The following LRRC61 variants were observed in gnomAD, a reference collection of about 807,000 sequenced individuals.
LRRC61 encodes the protein leucine rich repeat containing 61, also known as leucine-rich repeat-containing protein 61.
In LRRC61, 9 loss-of-function variants were observed where a neutral mutation model predicts 15.1. The observed-to-expected ratio is 0.60, with a 90% CI of 0.36 to 1.04. The LOEUF (loss-of-function observed/expected upper bound fraction) is 1.04. Ranked by LOEUF, LRRC61 falls within the 50% of genes least tolerant of loss-of-function variation. The probability of loss-of-function intolerance (pLI) is 0.01; values close to 1 mark genes in which losing one functional copy is unlikely to be tolerated. For missense variants in LRRC61, 344 were observed against 335.6 expected (o/e 1.03, Z -0.20); for synonymous variants, 173 against 158.6 (o/e 1.09, Z -0.68).
the LRRC61 span, among the ~76,000 whole-genome samples, chr7:150,310,592 G>A: frequency 7.3e-5 from 11 of 150,518 alleles, no homozygotes; most frequent in African/African-American, 2.0e-4. Flanking sequence ...TTCTGTTATC[G>A]ACCTCAAAGA....
chr7:150,320,658 A>C (rs1797411503), upstream of LRRC61, among the ~76,000 whole-genome samples: 1 of 152,146 alleles, frequency 6.6e-6, no homozygotes, highest in Non-Finnish European at 1.5e-5. Flanking sequence ...AGCTACTTCG[A>C]AGGCTGAAGC....
At chr7:150,328,421 G>T (rs1161442682) in intron 2 of LRRC61, among the ~76,000 whole-genome samples, 1 of 152,204 alleles carries the variant, frequency 6.6e-6, no homozygotes, top group African/African-American at 2.4e-5. Flanking sequence ...GACCAACACA[G>T]TATAGTTACA....
Position 150,335,947 on chromosome 7 carries a change from AG to A in LRRC61, c.-144-770del, listed in dbSNP as rs1471436335. Among the ~76,000 whole-genome samples, 2 of 152,162 alleles carry A rather than the reference AG, an allele frequency of 1.3e-5. No individual in the cohort carries two copies. The highest frequency in any genetic ancestry group is 2.4e-5 in the African/African-American group (1 of 41,424). On this transcript the variant is annotated intron_variant, in intron 2 of 2. Transcript: ENST00000359623. The surrounding 1 kb of genome is among the most constrained non-coding windows in gnomAD (Gnocchi z 4.3). ...TTTGGGAAATTTATGTTGTCTTTGC[AG>A]CTGGCACCGTGCTGTCTGGCACGTA...
At chr7:150,316,644 C>T in the LRRC61 span, among the ~76,000 whole-genome samples, 3,059 of 152,152 alleles carry the variant, frequency 0.02, 83 homozygotes, top group African/African-American at 0.07. Context: ...TGCCATCACG[C>T]TCAGCTAATT....
chr7:150,324,062 G>A (rs1797836660), intron 1 of LRRC61, among the ~76,000 whole-genome samples: 1 of 152,130 alleles, frequency 6.6e-6, no homozygotes, highest in Non-Finnish European at 1.5e-5. Context: ...TTTGCGTGTG[G>A]GACAAAACCC....
intron 1 of LRRC61, among the ~76,000 whole-genome samples, chr7:150,325,324 G>A (rs1797926670): frequency 6.6e-6 from 1 of 152,216 alleles, no homozygotes; most frequent in Non-Finnish European, 1.5e-5. Flanking sequence ...TGGCTAGGGC[G>A]CTTTCCTGAC....
rs756656481 is a variant in LRRC61 at position 150,330,367 on chromosome 7, C to T, written c.-145+4357C>T. Reference sequence around the variant, plus strand: ...GCCTTGTCGGCCACATTCTGGAGCCCGGCAGACAGCCTCAGCAAGCTCCTG... The same window carrying T: ...GCCTTGTCGGCCACATTCTGGAGCCTGGCAGACAGCCTCAGCAAGCTCCTG... On this transcript the variant is annotated intron_variant, in intron 2 of 2. Coordinates refer to ENST00000359623, the MANE Select transcript of LRRC61 (RefSeq NM_001142928.2). The surrounding 1 kb of genome is among the most constrained non-coding windows in gnomAD (Gnocchi z 4.6). The T allele has an allele frequency of 2.6e-5, 20 of 760,262 alleles. No homozygotes were observed. The highest frequency in any genetic ancestry group is 2.1e-4 in the Admixed American group (12 of 58,516). The allele number at this position is 760,262 out of a possible 1,614,324, so 47.1% of individuals were successfully genotyped here.
chr7:150,327,071 G>A (rs1021986922), intron 2 of LRRC61, among the ~76,000 whole-genome samples: 2 of 151,978 alleles, frequency 1.3e-5, no homozygotes, highest in Non-Finnish European at 2.9e-5. Flanking sequence ...AGGCAGCCCT[G>A]CCATCTCTGG....
rs768656533 is a variant in LRRC61, at chr7:150,336,891, G to A, written c.30G>A (p.Glu10=). The A allele has an allele frequency of 2.5e-6, 4 of 1,600,148 alleles. No individual in the cohort carries two copies. In the East Asian group the frequency reaches 8.9e-5, roughly 36 times the overall value. The change falls in exon 3 of 3, where the codon GAG becomes GAA. Residue 10 remains glutamate, a synonymous_variant. Coordinates refer to ENST00000359623, the MANE Select transcript of LRRC61 (RefSeq NM_001142928.2). ...ACCCTCCAGCGGAGAAGCCGGGAGA[G>A]GCTGGCGGACTGCAGATCACACCCC... The part of the protein sequence containing the change: MDPPAEKPG[E]AGGLQITPQL...
the LRRC61 span, among the ~76,000 whole-genome samples, chr7:150,314,228 T>C: frequency 6.6e-6 from 1 of 152,354 alleles, no homozygotes; most frequent in East Asian, 1.9e-4. Flanking sequence ...AGTGACTTTA[T>C]GTGACCAGTT....
intron 1 of LRRC61, chr7:150,323,863 G>A: frequency 2.7e-6 from 1 of 365,794 alleles, no homozygotes; most frequent in Non-Finnish European, 5.4e-6. Flanking sequence ...TCACGGCCGT[G>A]CTCAGAGACG....
chr7:150,329,725 T>C (rs1798045938), intron 2 of LRRC61: 2 of 152,262 alleles, frequency 1.3e-5, no homozygotes, highest in Non-Finnish European at 2.9e-5. Flanking sequence ...GGAAAACAAC[T>C]TCCCTGTCCA....
chr7:150,337,883 C>T lies in LRRC61; in HGVS notation c.*242C>T. On this transcript the variant is annotated 3_prime_UTR_variant, in exon 3 of 3. Coordinates refer to ENST00000359623, the MANE Select transcript of LRRC61 (RefSeq NM_001142928.2). ...ATCCGTGAGCCTGTGTCCGCAGCTG[C>T]TGCCACTCTGGGCTGCTCCAGCCTG... 1 of 565,766 alleles carries T rather than the reference C, an allele frequency of 1.8e-6. No individual in the cohort carries two copies. The highest frequency in any genetic ancestry group is 3.1e-6 in the Non-Finnish European group (1 of 318,026). 35.0% of individuals were successfully genotyped at this position (565,766 alleles called of 1,614,324 possible).
chr7:150,310,936 A>T, the LRRC61 span, among the ~76,000 whole-genome samples: 1 of 152,142 alleles, frequency 6.6e-6, no homozygotes. Flanking sequence ...AGTGTTACAT[A>T]TCTCGGCATA....
Position 150,335,821 on chromosome 7 carries a change from G to A in LRRC61, c.-144-897G>A, listed in dbSNP as rs773219661. Among the ~76,000 whole-genome samples, 3 of 152,186 alleles carry A rather than the reference G, an allele frequency of 2.0e-5. No individual in the cohort carries two copies. Among genetic ancestry groups the A allele is most frequent in the Non-Finnish European group, 2.9e-5 (2 of 68,030 alleles). On this transcript the variant is annotated intron_variant, in intron 2 of 2. Transcript: ENST00000359623. The surrounding 1 kb of genome is among the most constrained non-coding windows in gnomAD (Gnocchi z 4.3). Reference sequence around the variant, plus strand: ...CCCCTGCTTTGTGCCACAGTCATGCGCTGGCACCTGGACTCACCTGGTCCT... The same window carrying A: ...CCCCTGCTTTGTGCCACAGTCATGCACTGGCACCTGGACTCACCTGGTCCT...
Position 150,330,813 on chromosome 7 carries a change from G to A in LRRC61, c.-145+4803G>A. 1.9e-6 allele frequency: 3 copies of A among 1,611,098 alleles called. No homozygotes were observed. The highest frequency in any genetic ancestry group is 2.5e-6 in the Non-Finnish European group (3 of 1,178,264). On this transcript the variant is annotated intron_variant, in intron 2 of 2. Coordinates refer to ENST00000359623, the MANE Select transcript of LRRC61 (RefSeq NM_001142928.2). This position sits in a 1 kb window ranked among gnomAD's most constrained non-coding sequence, Gnocchi z 4.6. ...TCTGTGCGTGGACCCCACCAGGGTA[G>A]CCAAGAGCTCCGGGGTGGAGGGGAG...
chr7:150,327,026 G>C (rs1309242571), intron 2 of LRRC61, among the ~76,000 whole-genome samples: 2 of 152,152 alleles, frequency 1.3e-5, no homozygotes, highest in Non-Finnish European at 2.9e-5. Context: ...CCAGAGTCTT[G>C]CTTGAGCCTT....
chr7:150,334,561 C>T (rs1251202460), intron 2 of LRRC61, among the ~76,000 whole-genome samples: 1 of 152,218 alleles, frequency 6.6e-6, no homozygotes, highest in African/African-American at 2.4e-5. Flanking sequence ...GCATGCCCTC[C>T]TTGATGCCAG....
Position 150,337,727 on chromosome 7 carries a change from T to A in LRRC61, c.*86T>A. 2 of 1,355,664 alleles carry A rather than the reference T, an allele frequency of 1.5e-6. No individual in the cohort carries two copies. Among genetic ancestry groups the A allele is most frequent in the Non-Finnish European group, 2.0e-6 (2 of 1,006,150 alleles). 84.0% of individuals were successfully genotyped at this position (1,355,664 alleles called of 1,614,324 possible). A position where few individuals can be genotyped will look rare whatever the true frequency, so the allele number is the denominator to read the frequency against. ...TGCCCCCACACTCGTCTTAGTTGCT[T>A]CACACTGGTCACTGGCCCTGCACAC... On this transcript the variant is annotated 3_prime_UTR_variant, in exon 3 of 3. Coordinates refer to ENST00000359623, the MANE Select transcript of LRRC61 (RefSeq NM_001142928.2).
Sources: allele counts gnomAD v4.1 joint callset (sites outside exome capture counted in the v4.1 genomes callset), GRCh38; gene constraint gnomAD v4.1.1; non-coding constraint Gnocchi (gnomAD v3.1); transcripts MANE v1.5; gene names NCBI Gene and HGNC (gene_info 2026-07-23, HGNC 2026-07-21).